The following STEAP1B variants were observed in gnomAD, a reference collection of about 807,000 sequenced individuals.
STEAP1B encodes the protein STEAP family protein MGC87042.
A neutral mutation model predicts 27.9 loss-of-function variants in STEAP1B; 13 were observed. The ratio of observed to expected loss-of-function variants is 0.47; its 90% CI spans 0.30 to 0.74. The LOEUF (loss-of-function observed/expected upper bound fraction) is 0.74, where lower values mean the gene tolerates loss of function less well. Among genes scored for constraint, STEAP1B ranks in the 30% least tolerant of loss-of-function variants. The pLI is 0.06. For missense variants in STEAP1B, 250 were observed against 298.7 expected (o/e 0.84, Z 1.20); for synonymous variants, 86 against 107.1 (o/e 0.80, Z 1.22).
chr7:22,422,024 T>G (rs79816947), intron 4 of STEAP1B, among the ~76,000 whole-genome samples: 2,803 of 152,364 alleles, frequency 0.018, 89 homozygotes, highest in African/African-American at 0.063. Flanking sequence ...ATGGTAGAAC[T>G]TGTATTTCTC....
At chr7:22,439,953 G>T (rs1027383194) in intron 4 of STEAP1B, among the ~76,000 whole-genome samples, 2 of 42,496 alleles carry the variant, frequency 4.7e-5, no homozygotes, top group African/African-American at 1.9e-4. Flanking sequence ...TTGCTCATCA[G>T]TAATCTGATT....
At chr7:22,495,273 A>C (rs1308348424) in intron 1 of STEAP1B, 2 of 153,104 alleles carry the variant, frequency 1.3e-5, no homozygotes, top group Non-Finnish European at 2.9e-5. Context: ...TAATGTCATC[A>C]ATGGAGGCTG....
intron 4 of STEAP1B, among the ~76,000 whole-genome samples, chr7:22,431,737 T>C (rs1785190461): frequency 6.6e-6 from 1 of 152,236 alleles, no homozygotes; most frequent in Non-Finnish European, 1.5e-5. Context: ...GAAAACTGGA[T>C]CAGGACAACT....
intron 4 of STEAP1B, among the ~76,000 whole-genome samples, chr7:22,444,288 C>G (rs1405489127): frequency 2.0e-5 from 3 of 152,178 alleles, no homozygotes; most frequent in Non-Finnish European, 4.4e-5. Flanking sequence ...GGAAAGCACA[C>G]AGCACTGTGC....
chr7:22,458,020 T>G (rs1229018879), intron 4 of STEAP1B, among the ~76,000 whole-genome samples: 1 of 152,230 alleles, frequency 6.6e-6, no homozygotes, highest in African/African-American at 2.4e-5. Context: ...TAATTTATTG[T>G]AAGTCCAGAT....
chr7:22,471,679 A>G (rs1583647709), intron 4 of STEAP1B, among the ~76,000 whole-genome samples: 1 of 152,078 alleles, frequency 6.6e-6, no homozygotes, highest in Non-Finnish European at 1.5e-5. Flanking sequence ...CTGAGGTAGG[A>G]TTACTTGAGT....
intron 4 of STEAP1B, among the ~76,000 whole-genome samples, chr7:22,437,004 A>G (rs1379259903): frequency 6.6e-6 from 1 of 152,242 alleles, no homozygotes; most frequent in Non-Finnish European, 1.5e-5. Flanking sequence ...AAATTGACAA[A>G]TGGGATCTAA....
intron 4 of STEAP1B, among the ~76,000 whole-genome samples, chr7:22,441,668 A>G (rs1785335699): frequency 6.6e-6 from 1 of 152,244 alleles, no homozygotes; most frequent in Non-Finnish European, 1.5e-5. Flanking sequence ...CTTAAAATAA[A>G]TGGCCCTAGT....
Position 22,419,818 on chromosome 7 carries a change from A to G in STEAP1B, c.781T>C (p.Phe261Leu), listed in dbSNP as rs533598867. 19 of 1,550,460 alleles carry G rather than the reference A, an allele frequency of 1.2e-5. No homozygotes were observed. In the East Asian group the frequency reaches 1.7e-4, roughly 14 times the overall value. The change falls in exon 5 of 5, where the codon TTC becomes CTC. Residue 261 changes from phenylalanine to leucine, a missense_variant. Transcript: ENST00000678116. ...HYIQVHGRIN[F>L]LTL ...GGCAGGATCTGTCACAAGGTCAGGA[A>G]GTTGATCCTACCATGTACCTGGAAG...
intron 4 of STEAP1B, among the ~76,000 whole-genome samples, chr7:22,420,632 T>C (rs1344535500): frequency 2.0e-5 from 3 of 152,234 alleles, no homozygotes; most frequent in East Asian, 1.9e-4. Flanking sequence ...TCACATAAGA[T>C]TGATTTTTCC....
intron 4 of STEAP1B, among the ~76,000 whole-genome samples, chr7:22,473,489 T>C (rs143140012): frequency 1.8e-4 from 28 of 152,314 alleles, no homozygotes; most frequent in Non-Finnish European, 3.5e-4. Context: ...CCAACCTTCT[T>C]ATACAAACGA....
At chr7:22,495,613 G>A (rs1429828309) in intron 1 of STEAP1B, 1 of 152,140 alleles carries the variant, frequency 6.6e-6, no homozygotes, top group East Asian at 1.9e-4. Context: ...ACTATTCATT[G>A]TTTTTATTAG....
At chr7:22,444,052 A>G (rs113238724) in intron 4 of STEAP1B, among the ~76,000 whole-genome samples, 10,872 of 152,292 alleles carry the variant, frequency 0.071, 524 homozygotes, top group East Asian at 0.19. Context: ...TTCTTGGAGA[A>G]GCCCAGAGCC....
At chr7:22,425,920 C>A (rs540788128) in intron 4 of STEAP1B, among the ~76,000 whole-genome samples, 2 of 152,360 alleles carry the variant, frequency 1.3e-5, no homozygotes, top group African/African-American at 2.4e-5. Context: ...GCTATTACAG[C>A]CCTTAGTGGC....
At chr7:22,464,441 C>T (rs1014601040) in intron 4 of STEAP1B, among the ~76,000 whole-genome samples, 1 of 152,298 alleles carries the variant, frequency 6.6e-6, no homozygotes, top group Non-Finnish European at 1.5e-5. Flanking sequence ...TCAGTCTAGA[C>T]ACTGAGCTAG....
chr7:22,482,464 T>G (rs1007620946), intron 4 of STEAP1B, among the ~76,000 whole-genome samples: 2 of 152,224 alleles, frequency 1.3e-5, no homozygotes, highest in African/African-American at 4.8e-5. Context: ...CTAAGTCTGG[T>G]AGCCCTGGGA....
chr7:22,452,539 G>C (rs1785508439), intron 4 of STEAP1B, among the ~76,000 whole-genome samples: 1 of 152,190 alleles, frequency 6.6e-6, no homozygotes, highest in Admixed American at 6.5e-5. Flanking sequence ...GGACGGTTTG[G>C]AGCTGCAAGG....
chr7:22,434,036 C>G (rs1245666224), intron 4 of STEAP1B, among the ~76,000 whole-genome samples: 1 of 152,226 alleles, frequency 6.6e-6, no homozygotes, highest in Admixed American at 6.5e-5. Flanking sequence ...CACCTCACAA[C>G]AGCTGTTCTA....
At chr7:22,425,588 C>T (rs747915922) in intron 4 of STEAP1B, among the ~76,000 whole-genome samples, 4 of 152,186 alleles carry the variant, frequency 2.6e-5, no homozygotes, top group Non-Finnish European at 5.9e-5. Context: ...CTGTAACTGG[C>T]AGCCATTTTG....
Sources: allele counts gnomAD v4.1 joint callset (sites outside exome capture counted in the v4.1 genomes callset), GRCh38; gene constraint gnomAD v4.1.1; transcripts MANE v1.5; gene names NCBI Gene and HGNC (gene_info 2026-07-23, HGNC 2026-07-21).